Variants in ATXN1 observed in about 807,000 individuals in gnomAD.
ATXN1 encodes ataxin-1.
A neutral mutation model predicts 56.4 loss-of-function variants in ATXN1; 8 were observed. The ratio of observed to expected loss-of-function variants is 0.14; its 90% CI spans 0.08 to 0.26. The LOEUF (loss-of-function observed/expected upper bound fraction) is 0.26, where lower values mean the gene tolerates loss of function less well. Ranked by LOEUF, ATXN1 falls within the 10% of genes least tolerant of loss-of-function variation. The probability of loss-of-function intolerance (pLI) is 1.00; values close to 1 mark genes in which losing one functional copy is unlikely to be tolerated. For missense variants in ATXN1, 987 were observed against 1,106.5 expected, an observed-to-expected ratio of 0.89 and a Z score of 1.53; for synonymous variants, 514 against 494.6, an observed-to-expected ratio of 1.04 and a Z score of -0.52.
intron 6 of ATXN1, among the ~76,000 whole-genome samples, chr6:16,334,844 G>A (rs1761081056): frequency 6.6e-6 from 1 of 152,214 alleles, no homozygotes; most frequent in Non-Finnish European, 1.5e-5. Flanking sequence ...TGTCTAGGGG[G>A]AGTGATCAGT....
chr6:16,424,914 C>T (rs1759118315), intron 6 of ATXN1, among the ~76,000 whole-genome samples: 1 of 152,194 alleles, frequency 6.6e-6, no homozygotes, highest in Admixed American at 6.5e-5. Flanking sequence ...TGAGGACCTT[C>T]CAGAACCATC....
intron 6 of ATXN1, among the ~76,000 whole-genome samples, chr6:16,368,343 C>CTTCTTTTTTTTTTT (rs1354007963): frequency 2.6e-5 from 2 of 75,872 alleles, no homozygotes; most frequent in African/African-American, 7.7e-5. Flanking sequence ...ACTTCTTCTT[C>CTTCTTTTTTTTTTT]TTTTTTTTTT....
At chr6:16,320,569 A>C (rs1760624280) in intron 7 of ATXN1, among the ~76,000 whole-genome samples, 1 of 152,248 alleles carries the variant, frequency 6.6e-6, no homozygotes, top group African/African-American at 2.4e-5. Flanking sequence ...GGTGAGACAG[A>C]AGGATGGGAT....
At chr6:16,373,321 A>G (rs564866078) in intron 6 of ATXN1, among the ~76,000 whole-genome samples, 3 of 152,112 alleles carry the variant, frequency 2.0e-5, no homozygotes, top group Non-Finnish European at 4.4e-5. Flanking sequence ...ACAATTTTTT[A>G]CTTATTTTAT....
intron 6 of ATXN1, among the ~76,000 whole-genome samples, chr6:16,406,709 C>T (rs1366566438): frequency 1.3e-5 from 2 of 152,216 alleles, no homozygotes; most frequent in Non-Finnish European, 2.9e-5. Context: ...ATAGCCTGTT[C>T]CTCTTCCTTA....
chr6:16,725,159 T>C (rs540808000), intron 2 of ATXN1, among the ~76,000 whole-genome samples: 6 of 152,356 alleles, frequency 3.9e-5, no homozygotes, highest in Admixed American at 1.3e-4. Context: ...TGAAAGTATG[T>C]TAACTTCCTA....
chr6:16,753,466 AC>A (rs1760789216), intron 1 of ATXN1, 119 bp from the exon 2 acceptor site: 1 of 407,242 alleles, frequency 2.5e-6, no homozygotes, highest in Non-Finnish European at 5.0e-6. Flanking sequence ...TAAGAACATC[AC>A]ATTCGGCATT....
At chr6:16,637,043 G>A (rs1054390802) in intron 3 of ATXN1, among the ~76,000 whole-genome samples, 5 of 152,100 alleles carry the variant, frequency 3.3e-5, no homozygotes, top group East Asian at 1.9e-4. Flanking sequence ...AGGCACATGC[G>A]CACGTATGTT....
intron 6 of ATXN1, among the ~76,000 whole-genome samples, chr6:16,381,677 A>C (rs1758121491): frequency 6.6e-6 from 1 of 152,222 alleles, no homozygotes; most frequent in South Asian, 2.1e-4. Flanking sequence ...CCTGACTGCA[A>C]AATTCCCATT....
chr6:16,430,446 A>C (rs957852125), intron 6 of ATXN1, among the ~76,000 whole-genome samples: 9 of 152,188 alleles, frequency 5.9e-5, no homozygotes, highest in South Asian at 4.1e-4. Flanking sequence ...TAATTAGCAC[A>C]AAGGAAGGTT....
chr6:16,660,832 GT>G (rs754718969), intron 2 of ATXN1, among the ~76,000 whole-genome samples: 5,227 of 93,054 alleles, frequency 0.056, 57 homozygotes, highest in East Asian at 0.13. Flanking sequence ...TTTTGTTTTG[GT>G]TTTTTTTTTT....
chr6:16,304,411 A>T lies in ATXN1; in HGVS notation c.*1918T>A, dbSNP rs1760186145. 2.6e-5 allele frequency: 4 copies of T among 152,660 alleles called. No homozygotes were observed. The South Asian group carries it at 8.3e-4, about 32-fold the overall frequency. The allele number at this position is 152,660 out of a possible 1,614,324, so 9.5% of individuals were successfully genotyped here. A position where few individuals can be genotyped will look rare whatever the true frequency, so the allele number is the denominator to read the frequency against. On this transcript the variant is annotated 3_prime_UTR_variant, in exon 8 of 8. Coordinates refer to ENST00000436367, the MANE Select transcript of ATXN1 (RefSeq NM_001128164.2). ...AATACCCTTTCTGGGTTTGTACCAA[A>T]CATTAAATCTCGATTTGATTTTGAA...
At chr6:16,690,385 T>G (rs1161129426) in intron 2 of ATXN1, among the ~76,000 whole-genome samples, 1 of 151,012 alleles carries the variant, frequency 6.6e-6, no homozygotes, top group East Asian at 1.9e-4. Context: ...GGCAACTAGA[T>G]GTGTGAGTGA....
At chr6:16,726,622 T>A (rs1463759245) in intron 2 of ATXN1, among the ~76,000 whole-genome samples, 1 of 152,004 alleles carries the variant, frequency 6.6e-6, no homozygotes, top group African/African-American at 2.4e-5. Context: ...CCCAGCACTT[T>A]GGGAGGCCGA....
At chr6:16,392,866 C>G (rs1383011341) in intron 6 of ATXN1, among the ~76,000 whole-genome samples, 1 of 152,206 alleles carries the variant, frequency 6.6e-6, no homozygotes, top group East Asian at 1.9e-4. Flanking sequence ...AAAGCGGCAT[C>G]ATGATCACCT....
Position 16,566,316 on chromosome 6 carries a change from A to G in ATXN1, c.-361+19464T>C, listed in dbSNP as rs143439533. Among the ~76,000 whole-genome samples, 273 of 152,164 alleles carry G rather than the reference A, an allele frequency of 1.8e-3. 1 individual carries two copies. The highest frequency in any genetic ancestry group is 0.014 in the Admixed American group (221 of 15,288). On this transcript the variant is annotated intron_variant, in intron 4 of 7. Transcript: ENST00000436367. Reference sequence around the variant, plus strand: ...GGGTGAGGCTAAAAAACTCAGTACCACCATGTTTTTTGTAGGGTCAAAGAG... The same window carrying G: ...GGGTGAGGCTAAAAAACTCAGTACCGCCATGTTTTTTGTAGGGTCAAAGAG...
At chr6:16,568,042 A>G (rs1005190028) in intron 4 of ATXN1, among the ~76,000 whole-genome samples, 1 of 152,214 alleles carries the variant, frequency 6.6e-6, no homozygotes, top group African/African-American at 2.4e-5. Flanking sequence ...CCAACACAGT[A>G]ATTATATTGC....
intron 6 of ATXN1, among the ~76,000 whole-genome samples, chr6:16,378,447 A>G (rs1393818654): frequency 6.6e-6 from 1 of 152,234 alleles, no homozygotes; most frequent in African/African-American, 2.4e-5. Context: ...GGAGCACAGA[A>G]TATGTAACTT....
intron 6 of ATXN1, among the ~76,000 whole-genome samples, chr6:16,451,237 G>A (rs959587979): frequency 1.3e-5 from 2 of 152,252 alleles, no homozygotes; most frequent in African/African-American, 4.8e-5. Context: ...GGATGCCCAG[G>A]TGGGTGGATC....
Sources: gnomAD v4.1 joint callset for allele counts (sites outside exome capture counted in the v4.1 genomes callset) on GRCh38, gnomAD v4.1.1 for gene constraint, MANE v1.5 for transcripts, NCBI Gene and HGNC (gene_info 2026-07-23, HGNC 2026-07-21) for gene names.